CTNNA2: variants seen among roughly 807,000 people sequenced by gnomAD.
The protein encoded by CTNNA2 is catenin alpha 2, also known as catenin alpha-2.
A neutral mutation model predicts 101.0 loss-of-function variants in CTNNA2; 42 were observed. The ratio of observed to expected loss-of-function variants is 0.42; its 90% CI spans 0.32 to 0.54. The LOEUF is 0.54. CTNNA2 is among the 20% of genes least tolerant of loss of function. The probability of loss-of-function intolerance (pLI) is 0.14; values close to 1 mark genes in which losing one functional copy is unlikely to be tolerated. For synonymous variants in CTNNA2, 450 were observed against 456.4 expected (o/e 0.99, Z 0.18); for missense variants, 871 against 1,223.1 (o/e 0.71, Z 4.29).
chr2:79,280,398 G>A (rs1675331744), intron 2 of CTNNA2, among the ~76,000 whole-genome samples: 1 of 152,038 alleles, frequency 6.6e-6, no homozygotes, highest in African/African-American at 2.4e-5. Context: ...TGCCCAAACA[G>A]CTGGACATTT....
intron 1 of CTNNA2, among the ~76,000 whole-genome samples, chr2:79,519,293 T>A (rs1671976372): frequency 6.6e-6 from 1 of 151,856 alleles, no homozygotes; most frequent in South Asian, 2.1e-4. Flanking sequence ...ATCTCTCTAC[T>A]GCACTTATGC....
At chr2:79,487,559 A>G (rs1671169915) in intron 4 of CTNNA2, among the ~76,000 whole-genome samples, 1 of 152,202 alleles carries the variant, frequency 6.6e-6, no homozygotes, top group Non-Finnish European at 1.5e-5. Context: ...AGTTGCCTAC[A>G]TAACTCACAG....
At chr2:80,275,414 G>T (rs551611960) in intron 7 of CTNNA2, among the ~76,000 whole-genome samples, 1 of 152,276 alleles carries the variant, frequency 6.6e-6, no homozygotes, top group East Asian at 1.9e-4. Context: ...TGGCTTTTAT[G>T]ATTTAATTTT....
At chr2:80,438,063 A>G (rs541785613) in intron 9 of CTNNA2, among the ~76,000 whole-genome samples, 2 of 152,238 alleles carry the variant, frequency 1.3e-5, no homozygotes, top group South Asian at 4.1e-4. Flanking sequence ...TAAACAACAG[A>G]AGTTGATTTT....
intron 1 of CTNNA2, among the ~76,000 whole-genome samples, chr2:79,638,959 C>T (rs540984792): frequency 2.0e-4 from 30 of 152,236 alleles, no homozygotes; most frequent in African/African-American, 5.8e-4. Context: ...TTCATAGCCT[C>T]GGTTAATTTG....
intron 9 of CTNNA2, among the ~76,000 whole-genome samples, chr2:80,527,022 T>A (rs1201661284): frequency 2.6e-5 from 4 of 152,188 alleles, no homozygotes; most frequent in Admixed American, 6.5e-5. Flanking sequence ...GGGGAAAAAA[T>A]TTGAGCACTA....
intron 2 of CTNNA2, among the ~76,000 whole-genome samples, chr2:79,253,765 C>T (rs1674803739): frequency 6.6e-6 from 1 of 152,176 alleles, no homozygotes; most frequent in Non-Finnish European, 1.5e-5. Context: ...AGATAATTGA[C>T]ATTTCTGATC....
chr2:79,270,644 C>T (rs1033169377), intron 2 of CTNNA2, among the ~76,000 whole-genome samples: 7 of 151,918 alleles, frequency 4.6e-5, no homozygotes, highest in Non-Finnish European at 1.5e-5. Flanking sequence ...CTCTCAGGTT[C>T]TCAGAAATCT....
chr2:80,503,171 CA>C (rs1214311695), intron 9 of CTNNA2, among the ~76,000 whole-genome samples: 10 of 148,846 alleles, frequency 6.7e-5, no homozygotes, highest in Non-Finnish European at 1.2e-4. Context: ...AGACCTGTCT[CA>C]AAAAAAAAAC....
intron 9 of CTNNA2, among the ~76,000 whole-genome samples, chr2:80,500,332 C>G (rs1309252555): frequency 6.6e-6 from 1 of 152,174 alleles, no homozygotes; most frequent in Non-Finnish European, 1.5e-5. Context: ...GATCCACCAT[C>G]CATTTATTCA....
rs142562213 is a variant in CTNNA2, at chr2:80,393,773, A to G, written c.1137+482A>G. On this transcript the variant is annotated intron_variant, in intron 8 of 18. Coordinates refer to ENST00000402739, the MANE Select transcript of CTNNA2 (RefSeq NM_001282597.3). ...CATAAATCTAGGAGAAAGTTTGCTT[A>G]TCAGATGGTTGTTTGGGAAGCAGGG... is the stretch of plus-strand genomic sequence containing the variant. Among the ~76,000 whole-genome samples, 1,032 of 152,322 alleles carry G rather than the reference A, an allele frequency of 6.8e-3. 12 individuals carry two copies. The highest frequency in any genetic ancestry group is 0.023 in the African/African-American group (972 of 41,574).
chr2:80,587,421 A>G lies in CTNNA2; in HGVS notation c.2008-1883A>G, dbSNP rs913721619. ...CAGTTATAATATAATGTTAATGATA[A>G]TTCTATACATGCTTACTTTCATTTT... On this transcript the variant is annotated intron_variant, in intron 14 of 18. Transcript: ENST00000402739. Among the ~76,000 whole-genome samples the G allele has an allele frequency of 2.0e-5, 3 of 152,184 alleles. 1 individual carries two copies. In the East Asian group the frequency reaches 5.8e-4, roughly 29 times the overall value.
chr2:80,219,569 A>G lies in CTNNA2; in HGVS notation c.1057-173642A>G, dbSNP rs532904210. On this transcript the variant is annotated intron_variant, in intron 7 of 18. Coordinates refer to ENST00000402739, the MANE Select transcript of CTNNA2 (RefSeq NM_001282597.3). Reference sequence around the variant, plus strand: ...TAGAATACCAGTCTGTGTCCAGACTACTCACCAATCGACCCATTCACCTAT... The same window carrying G: ...TAGAATACCAGTCTGTGTCCAGACTGCTCACCAATCGACCCATTCACCTAT... Among the ~76,000 whole-genome samples the G allele has an allele frequency of 1.5e-4, 23 of 152,292 alleles. No individual in the cohort carries two copies. The South Asian group carries it at 4.1e-3, about 27-fold the overall frequency.
At chr2:79,881,252 A>C (rs1316949631) in intron 6 of CTNNA2, among the ~76,000 whole-genome samples, 1 of 152,224 alleles carries the variant, frequency 6.6e-6, no homozygotes, top group East Asian at 1.9e-4. Context: ...TTTTATAATA[A>C]GTGCCATGTG....
chr2:79,933,446 T>C (rs1198028380), intron 7 of CTNNA2, among the ~76,000 whole-genome samples: 3 of 148,398 alleles, frequency 2.0e-5, no homozygotes, highest in African/African-American at 7.7e-5. Flanking sequence ...ATCTTTGGGC[T>C]TCTGGTATTC....
intron 2 of CTNNA2, among the ~76,000 whole-genome samples, chr2:79,252,146 T>C (rs544960294): frequency 1.1e-3 from 170 of 152,306 alleles, no homozygotes; most frequent in Non-Finnish European, 1.9e-3. Flanking sequence ...ATGCCTGAAA[T>C]GCATTCAGCT....
chr2:79,427,331 G>A (rs1360868926), intron 4 of CTNNA2, among the ~76,000 whole-genome samples: 1 of 151,810 alleles, frequency 6.6e-6, no homozygotes, highest in Non-Finnish European at 1.5e-5. Context: ...CAGTGGTATT[G>A]ATGGGAGGTT....
Position 79,253,899 on chromosome 2 carries a change from G to A in CTNNA2, c.-406+55823G>A, listed in dbSNP as rs939907960. 3.9e-5 allele frequency among the ~76,000 whole-genome samples: 6 copies of A among 152,206 alleles called. No homozygotes were observed. In the East Asian group the frequency reaches 1.2e-3, roughly 29 times the overall value. On this transcript the variant is annotated intron_variant, in intron 2 of 21. Coordinates refer to the CTNNA2 transcript ENST00000466387. ...AGTGCCTGAATGGCTTGGCTGTCCT[G>A]TAAGAAAAACAGTACATGTATAGTT...
intron 2 of CTNNA2, among the ~76,000 whole-genome samples, chr2:79,221,834 T>C (rs960578396): frequency 1.3e-5 from 2 of 152,132 alleles, no homozygotes; most frequent in African/African-American, 2.4e-5. Flanking sequence ...ATTTGAGTCA[T>C]TGAATGTGAG....
Sources: gnomAD v4.1 joint callset for allele counts (sites outside exome capture counted in the v4.1 genomes callset) on GRCh38, gnomAD v4.1.1 for gene constraint, MANE v1.5 for transcripts, NCBI Gene and HGNC (gene_info 2026-07-23, HGNC 2026-07-21) for gene names.